Variants in DOCK3 observed in about 807,000 individuals in gnomAD.
DOCK3 encodes dedicator of cytokinesis protein 3.
DOCK3 carries 60 observed loss-of-function variants against 265.6 expected under a neutral mutation model. The ratio of observed to expected loss-of-function variants is 0.23; its 90% CI spans 0.18 to 0.28. The LOEUF (loss-of-function observed/expected upper bound fraction) is 0.28, where lower values mean the gene tolerates loss of function less well. Among genes scored for constraint, DOCK3 ranks in the 10% least tolerant of loss-of-function variants. The pLI, the probability that DOCK3 is intolerant of heterozygous loss-of-function variation, is 1.00. For missense variants in DOCK3, 1,981 were observed against 2,594.3 expected, an observed-to-expected ratio of 0.76 and a Z score of 5.14; for synonymous variants, 881 against 938.0, an observed-to-expected ratio of 0.94 and a Z score of 1.11.
At chr3:51,308,333 G>A (rs992127256) in intron 27 of DOCK3, among the ~76,000 whole-genome samples, 11 of 151,194 alleles carry the variant, frequency 7.3e-5, no homozygotes, top group African/African-American at 2.7e-4. Flanking sequence ...GTGAACAAAG[G>A]TCTCTGGTTT....
chr3:51,350,514 A>G (rs138281875), intron 40 of DOCK3, 122 bp downstream of exon 40: 17 of 1,037,392 alleles, frequency 1.6e-5, no homozygotes, highest in Middle Eastern at 2.6e-4. Flanking sequence ...AGGATAAACC[A>G]GTTAACAACA....
chr3:50,816,634 G>A (rs2044095871), intron 2 of DOCK3, among the ~76,000 whole-genome samples: 2 of 151,762 alleles, frequency 1.3e-5, no homozygotes, highest in Non-Finnish European at 2.9e-5. Flanking sequence ...CTTAACTCCT[G>A]TTACTTGAAT....
At chr3:51,321,359 C>T (rs765952688) in intron 32 of DOCK3, among the ~76,000 whole-genome samples, 11 of 152,262 alleles carry the variant, frequency 7.2e-5, no homozygotes, top group Non-Finnish European at 1.3e-4. Context: ...GATAAATCCA[C>T]GAAGATGGAG....
intron 1 of DOCK3, among the ~76,000 whole-genome samples, chr3:50,704,896 T>A (rs1325777862): frequency 6.6e-6 from 1 of 152,204 alleles, no homozygotes; most frequent in African/African-American, 2.4e-5. Flanking sequence ...CCCAAAGCGC[T>A]GGGATTACAG....
chr3:51,081,739 C>CA (rs2082247359), intron 7 of DOCK3, among the ~76,000 whole-genome samples: 1 of 151,460 alleles, frequency 6.6e-6, no homozygotes, highest in Non-Finnish European at 1.5e-5. Context: ...ACTAAAAATA[C>CA]AAAAAAATTA....
intron 4 of DOCK3, among the ~76,000 whole-genome samples, chr3:50,905,615 A>G (rs985142616): frequency 2.0e-5 from 3 of 152,112 alleles, no homozygotes; most frequent in African/African-American, 4.8e-5. Flanking sequence ...TTGATTTTGT[A>G]TCCTGAGACT....
chr3:50,709,604 T>C (rs1347802319), intron 1 of DOCK3, among the ~76,000 whole-genome samples: 1 of 152,130 alleles, frequency 6.6e-6, no homozygotes, highest in African/African-American at 2.4e-5. Context: ...GGTGGGCCTA[T>C]CACGTAAGGT....
At chr3:51,309,744 A>T (rs1469317162) in intron 27 of DOCK3, among the ~76,000 whole-genome samples, 1 of 152,228 alleles carries the variant, frequency 6.6e-6, no homozygotes, top group Non-Finnish European at 1.5e-5. Context: ...GTTAACCAGT[A>T]TTAGCCACCC....
In DOCK3 at chr3:51,280,161, T is replaced by C; in HGVS notation, c.2879T>C (p.Phe960Ser). ...CTCCGCCAGATGTGTGACACCCATT[T>C]CCAGCACCTCCTGGACAACTTCCAG... ...SLLRQMCDTH[F>S]QHLLDNFQSK... The change falls in exon 27 of 53, where the codon TTC becomes TCC. Residue 960 changes from phenylalanine to serine, a missense_variant. Around this residue, in one of 4 missense-constraint regions of DOCK3, gnomAD observed 1,357 missense variants for 1,866.8 expected, o/e 0.73. Transcript: ENST00000266037. The C allele has an allele frequency of 6.2e-7, 1 of 1,613,914 alleles. No individual in the cohort carries two copies. The highest frequency in any genetic ancestry group is 1.1e-5 in the South Asian group (1 of 91,062).
chr3:51,085,475 C>T (rs906087973), intron 7 of DOCK3, among the ~76,000 whole-genome samples: 6 of 152,158 alleles, frequency 3.9e-5, no homozygotes, highest in Admixed American at 2.6e-4. Context: ...AGTATCTTCT[C>T]AGACCACAGG....
At chr3:51,162,303 A>T (rs920551477) in intron 12 of DOCK3, among the ~76,000 whole-genome samples, 2 of 152,210 alleles carry the variant, frequency 1.3e-5, no homozygotes, top group Non-Finnish European at 1.5e-5. Context: ...CATTTGATTA[A>T]TTTCAAAATA....
chr3:50,739,891 A>G (rs1057510426), intron 1 of DOCK3, among the ~76,000 whole-genome samples: 2 of 152,180 alleles, frequency 1.3e-5, no homozygotes, highest in South Asian at 2.1e-4. Context: ...GATATAATCT[A>G]TACCTATTTA....
intron 2 of DOCK3, among the ~76,000 whole-genome samples, chr3:50,796,811 G>T (rs1039961107): frequency 6.6e-6 from 1 of 151,758 alleles, no homozygotes; most frequent in Non-Finnish European, 1.5e-5. Flanking sequence ...TTTTGATTGC[G>T]GTATAAGGTG....
At chr3:51,014,783 G>T (rs548782439) in intron 5 of DOCK3, among the ~76,000 whole-genome samples, 3 of 152,020 alleles carry the variant, frequency 2.0e-5, no homozygotes, top group Admixed American at 6.6e-5. Context: ...CCAATCCATG[G>T]ACTATCTTTC....
intron 2 of DOCK3, among the ~76,000 whole-genome samples, chr3:50,831,166 G>T (rs1357024386): frequency 6.7e-6 from 1 of 149,662 alleles, no homozygotes; most frequent in Non-Finnish European, 1.5e-5. Context: ...GTTTTGGCTG[G>T]CTTCTTTACT....
intron 41 of DOCK3, among the ~76,000 whole-genome samples, chr3:51,355,381 C>T (rs556429579): frequency 6.6e-6 from 1 of 152,296 alleles, no homozygotes; most frequent in South Asian, 2.1e-4. Context: ...TATCAGGGCT[C>T]TTGTCACAGG....
At chr3:50,945,221 G>A (rs2076395834) in intron 5 of DOCK3, among the ~76,000 whole-genome samples, 1 of 152,106 alleles carries the variant, frequency 6.6e-6, no homozygotes, top group African/African-American at 2.4e-5. Context: ...CAGTCATTTT[G>A]TGTGTACTAC....
At chr3:51,233,312 TTCTTTCTATCTATCTATCTATCTA>T (rs2078205534) in intron 19 of DOCK3, among the ~76,000 whole-genome samples, 6 of 62,938 alleles carry the variant, frequency 9.5e-5, no homozygotes, top group African/African-American at 2.0e-4. Context: ...GCAGTATTCT[TTCTTTCTATCTATCTATCTATCTA>T]TCTATCTATC....
chr3:51,293,783 A>G (rs540224112), intron 27 of DOCK3, among the ~76,000 whole-genome samples: 1 of 152,296 alleles, frequency 6.6e-6, no homozygotes, highest in African/African-American at 2.4e-5. Flanking sequence ...AAATAACCCT[A>G]TTTTTAAAAT....
Sources: gnomAD v4.1 joint callset for allele counts (sites outside exome capture counted in the v4.1 genomes callset) on GRCh38, gnomAD v4.1.1 for gene constraint, gnomAD v4.1.1 regional missense constraint, MANE v1.5 for transcripts, NCBI Gene and HGNC (gene_info 2026-07-23, HGNC 2026-07-21) for gene names.